Variants in CRISPLD2 observed in about 807,000 individuals in gnomAD.
CRISPLD2 encodes the protein cysteine-rich secretory protein LCCL domain-containing 2.
In CRISPLD2, 47 loss-of-function variants were observed where a neutral mutation model predicts 71.1. The ratio of observed to expected loss-of-function variants is 0.66; its 90% CI spans 0.52 to 0.84. The LOEUF (loss-of-function observed/expected upper bound fraction) is 0.84, where lower values mean the gene tolerates loss of function less well. CRISPLD2 is among the 40% of genes least tolerant of loss of function. CRISPLD2 has a pLI of 0.00. For synonymous variants in CRISPLD2, 317 were observed against 250.1 expected (o/e 1.27, Z -2.52); for missense variants, 830 against 651.1 (o/e 1.27, Z -2.99).
At chr16:84,902,990 A>G (rs963063759) in intron 14 of CRISPLD2, among the ~76,000 whole-genome samples, 6 of 151,174 alleles carry the variant, frequency 4.0e-5, no homozygotes, top group Admixed American at 1.3e-4. Context: ...CTGGTCTCGA[A>G]CTCCTGACTT....
intron 13 of CRISPLD2, among the ~76,000 whole-genome samples, chr16:84,882,292 G>A (rs1329093118): frequency 9.0e-6 from 1 of 111,132 alleles, no homozygotes; most frequent in African/African-American, 3.2e-5. Flanking sequence ...ACAATTTACA[G>A]GAAAAGGAAT....
intron 13 of CRISPLD2, among the ~76,000 whole-genome samples, chr16:84,883,546 T>A (rs1198507831): frequency 6.6e-6 from 1 of 152,178 alleles, no homozygotes; most frequent in African/African-American, 2.4e-5. Context: ...TGTGCACATA[T>A]CAGAATCCAC....
chr16:84,828,815 A>G (rs1409117474), intron 1 of CRISPLD2, among the ~76,000 whole-genome samples: 2 of 152,082 alleles, frequency 1.3e-5, no homozygotes, highest in Non-Finnish European at 2.9e-5. Flanking sequence ...AGAATTTTGT[A>G]TATGCTTAGC....
intron 14 of CRISPLD2, among the ~76,000 whole-genome samples, chr16:84,901,878 C>T (rs1333010776): frequency 6.8e-6 from 1 of 146,046 alleles, no homozygotes; most frequent in Non-Finnish European, 1.5e-5. Context: ...GTTGTAACCT[C>T]CACCTCCTGG....
rs1457433568 is a variant in CRISPLD2, at chr16:84,850,574, TG to T, written c.502del (p.Ala168ProfsTer10). 1.2e-6 allele frequency: 2 copies of T among 1,614,036 alleles called. No individual in the cohort carries two copies. Among genetic ancestry groups the T allele is most frequent in the Non-Finnish European group, 1.7e-6 (2 of 1,179,898 alleles). ...ACAAATGTCATCTTTTCAGATAGTT[TG>T]GGCCACCACCAACAAGATCGGTTGT... Reference protein sequence around the residue: ...PMCTHYTQIVWATTNKIGCAV... With the variant: ...PMCTHYTQIVXATTNKIGCAV... On this transcript the variant is annotated frameshift_variant, in exon 5 of 15. Coordinates refer to ENST00000262424, the MANE Select transcript of CRISPLD2 (RefSeq NM_031476.4). LOFTEE classifies it high-confidence loss of function.
Position 84,854,728 on chromosome 16 carries a change from G to A in CRISPLD2, c.609-1G>A, listed in dbSNP as rs111555364. The A allele has an allele frequency of 5.0e-6, 8 of 1,613,596 alleles. No homozygotes were observed. Among genetic ancestry groups the A allele is most frequent in the Non-Finnish European group, 6.8e-6 (8 of 1,179,522 alleles). On this transcript the variant is annotated splice_acceptor_variant, in intron 5 of 14. Transcript: ENST00000262424. LOFTEE classifies it high-confidence loss of function. The stretch of plus-strand genomic sequence containing the variant: ...ACGGTTGTTTTTGGGTCTGTCCTCA[G>A]GGGGAACTGGATTGGAGAAGCCCCC...
chr16:84,854,951 G>C (rs750359686), intron 6 of CRISPLD2, 122 bp downstream of exon 6: 4 of 753,128 alleles, frequency 5.3e-6, no homozygotes, highest in African/African-American at 5.1e-5. Flanking sequence ...TATTTAAGAC[G>C]CTCTCAGCAC....
intron 6 of CRISPLD2, 88 bp downstream of exon 6, chr16:84,854,917 G>A: frequency 3.1e-6 from 2 of 638,444 alleles, no homozygotes; most frequent in Admixed American, 2.4e-5. Context: ...GGGAATTAAA[G>A]AAGTCAGTCA....
intron 1 of CRISPLD2, among the ~76,000 whole-genome samples, chr16:84,821,831 T>C (rs1916237819): frequency 6.6e-6 from 1 of 152,256 alleles, no homozygotes; most frequent in Non-Finnish European, 1.5e-5. Flanking sequence ...AGACCAGACA[T>C]GCCCAGGGTT....
intron 1 of CRISPLD2, among the ~76,000 whole-genome samples, chr16:84,837,248 G>T (rs77340977): frequency 1.3e-5 from 2 of 152,142 alleles, no homozygotes; most frequent in Non-Finnish European, 2.9e-5. Context: ...TCTGTGGTTC[G>T]TGACCCTATA....
chr16:84,877,622 G>A, intron 12 of CRISPLD2, 112 bp downstream of exon 12: 3 of 862,314 alleles, frequency 3.5e-6, no homozygotes, highest in Non-Finnish European at 5.4e-6. Flanking sequence ...GGCCGAGGCG[G>A]GTGGATCACT....
At chr16:84,899,085 G>A (rs763177618) in intron 14 of CRISPLD2, among the ~76,000 whole-genome samples, 34 of 152,228 alleles carry the variant, frequency 2.2e-4, no homozygotes, top group Non-Finnish European at 4.4e-4. Context: ...AGAGACAGGG[G>A]TCACTGTGTC....
chr16:84,900,361 G>T (rs1006984505), intron 14 of CRISPLD2, among the ~76,000 whole-genome samples: 2 of 152,110 alleles, frequency 1.3e-5, no homozygotes, highest in African/African-American at 4.8e-5. Context: ...CCAATCTGGG[G>T]GCTCTCTTTG....
At chr16:84,902,140 G>T (rs1010094376) in intron 14 of CRISPLD2, among the ~76,000 whole-genome samples, 7 of 151,958 alleles carry the variant, frequency 4.6e-5, no homozygotes, top group Non-Finnish European at 1.0e-4. Context: ...TCTACAAGGC[G>T]CCATGCTGCC....
intron 3 of CRISPLD2, 107 bp from the exon 4 acceptor site, chr16:84,849,278 T>C: frequency 8.7e-7 from 1 of 1,143,962 alleles, no homozygotes; most frequent in East Asian, 2.5e-5. Context: ...TTGGCCGCTA[T>C]TCACCCTCCT....
At chr16:84,822,354 G>C (rs528444295) in intron 1 of CRISPLD2, among the ~76,000 whole-genome samples, 2 of 152,320 alleles carry the variant, frequency 1.3e-5, no homozygotes, top group East Asian at 3.9e-4. Context: ...GTGGCCCTTT[G>C]TAAGTTGCAT....
At chr16:84,836,713 C>A (rs1443864975) in intron 1 of CRISPLD2, among the ~76,000 whole-genome samples, 1 of 152,198 alleles carries the variant, frequency 6.6e-6, no homozygotes, top group East Asian at 1.9e-4. Flanking sequence ...AGGCCTTGAT[C>A]TACATCTCCC....
intron 1 of CRISPLD2, among the ~76,000 whole-genome samples, chr16:84,837,807 C>T (rs1916662695): frequency 6.6e-6 from 1 of 152,072 alleles, no homozygotes; most frequent in African/African-American, 2.4e-5. Context: ...AACGACCGGC[C>T]TGTGTAGGTG....
At chr16:84,856,592 C>G (rs1415861574) in intron 6 of CRISPLD2, among the ~76,000 whole-genome samples, 1 of 152,138 alleles carries the variant, frequency 6.6e-6, no homozygotes, top group East Asian at 1.9e-4. Context: ...CCACTTCCAC[C>G]CCTTAATTCC....
Sources: gnomAD v4.1 joint callset for allele counts (sites outside exome capture counted in the v4.1 genomes callset) on GRCh38, gnomAD v4.1.1 for gene constraint, MANE v1.5 for transcripts, NCBI Gene and HGNC (gene_info 2026-07-23, HGNC 2026-07-21) for gene names.